TRDN: variants seen among roughly 807,000 people sequenced by gnomAD.
TRDN encodes triadin in skeletal muscle.
A neutral mutation model predicts 149.7 loss-of-function variants in TRDN; 161 were observed. The ratio of observed to expected loss-of-function variants is 1.08; its 90% CI spans 0.95 to 1.23. The LOEUF is 1.23. TRDN is among the 50% of genes most tolerant of loss of function. TRDN has a pLI of 0.00. For synonymous variants in TRDN, 294 were observed against 250.5 expected (o/e 1.17, Z -1.64); for missense variants, 896 against 823.5 (o/e 1.09, Z -1.08).
chr6:123,311,987 A>C (rs1031197365), intron 24 of TRDN, among the ~76,000 whole-genome samples: 3 of 151,990 alleles, frequency 2.0e-5, no homozygotes, highest in Non-Finnish European at 2.9e-5. Flanking sequence ...TTAATAGAAG[A>C]TAATTTAATG....
chr6:123,472,006 A>C (rs894920644), intron 9 of TRDN, among the ~76,000 whole-genome samples: 2 of 152,236 alleles, frequency 1.3e-5, no homozygotes. Context: ...TTTTTAAGAT[A>C]GACAAAAAAT....
At chr6:123,265,423 T>C in intron 32 of TRDN, 85 bp from the exon 33 acceptor site, 1 of 900,688 alleles carries the variant, frequency 1.1e-6, no homozygotes, top group South Asian at 2.0e-5. Context: ...ATTTCCTATT[T>C]TTGCTTTTTA....
At chr6:123,522,101 T>C (rs1275037454) in intron 5 of TRDN, among the ~76,000 whole-genome samples, 2 of 152,110 alleles carry the variant, frequency 1.3e-5, no homozygotes, top group African/African-American at 4.8e-5. Flanking sequence ...AAGCTGACCA[T>C]ATGCTGTCTC....
intron 24 of TRDN, among the ~76,000 whole-genome samples, chr6:123,294,836 C>G (rs1469533415): frequency 6.6e-6 from 1 of 152,170 alleles, no homozygotes; most frequent in Admixed American, 6.5e-5. Context: ...ATTCCATCTA[C>G]TGACCTGGAG....
At chr6:123,560,501 G>T (rs1400809535) in intron 2 of TRDN, among the ~76,000 whole-genome samples, 1 of 152,008 alleles carries the variant, frequency 6.6e-6, no homozygotes, top group South Asian at 2.1e-4. Context: ...CACTGCAAAG[G>T]CCATCAAAAG....
intron 2 of TRDN, among the ~76,000 whole-genome samples, chr6:123,566,847 A>T (rs1363747968): frequency 2.0e-5 from 3 of 152,222 alleles, no homozygotes. Flanking sequence ...TTTATAATAC[A>T]CATATTTCAA....
intron 5 of TRDN, among the ~76,000 whole-genome samples, chr6:123,517,165 G>A (rs1779450361): frequency 6.6e-6 from 1 of 152,046 alleles, no homozygotes; most frequent in Non-Finnish European, 1.5e-5. Context: ...GTGGAATGTT[G>A]ATGTATGAAA....
chr6:123,292,564 C>T (rs1778047285), intron 24 of TRDN, among the ~76,000 whole-genome samples: 1 of 152,108 alleles, frequency 6.6e-6, no homozygotes, highest in Admixed American at 6.6e-5. Flanking sequence ...AAATAGCTCC[C>T]CTGTTTAGCC....
chr6:123,238,594 A>T (rs1189749393), intron 38 of TRDN, among the ~76,000 whole-genome samples: 1 of 152,158 alleles, frequency 6.6e-6, no homozygotes, highest in Non-Finnish European at 1.5e-5. Flanking sequence ...CAGACCTAAG[A>T]TATTAATAAT....
At chr6:123,621,582 G>A (rs564157075) in intron 1 of TRDN, among the ~76,000 whole-genome samples, 1 of 151,932 alleles carries the variant, frequency 6.6e-6, no homozygotes, top group Non-Finnish European at 1.5e-5. Flanking sequence ...ACACTGTACA[G>A]AAAGAAAAAT....
intron 5 of TRDN, among the ~76,000 whole-genome samples, chr6:123,529,715 A>AT (rs1780137152): frequency 6.6e-6 from 1 of 151,948 alleles, no homozygotes; most frequent in Admixed American, 6.6e-5. Context: ...AAATTATCTC[A>AT]TTTTCTGTCT....
At chr6:123,460,524 T>C (rs534336719) in intron 10 of TRDN, among the ~76,000 whole-genome samples, 15 of 152,234 alleles carry the variant, frequency 9.9e-5, no homozygotes, top group Admixed American at 9.2e-4. Context: ...CCAAAAGATA[T>C]GACTTTATTT....
intron 5 of TRDN, chr6:123,529,069 T>G: frequency 4.9e-6 from 7 of 1,426,642 alleles, no homozygotes; most frequent in Non-Finnish European, 6.4e-6. Context: ...ATCAGAATTC[T>G]AATATAGCCA....
chr6:123,571,073 G>C lies in TRDN; in HGVS notation c.82C>G (p.Pro28Ala). ...DSKNGSVPKS[P>A]GKVLKRTVTE... Reference sequence around the variant, plus strand: ...ACTGTCCTCTTCAGCACTTTTCCGGGGGATTTGGGCACAGATCCATTTTTG... The same window carrying C: ...ACTGTCCTCTTCAGCACTTTTCCGGCGGATTTGGGCACAGATCCATTTTTG... The change falls in exon 2 of 41, where the codon CCC (proline) becomes GCC (alanine). Residue 28 changes from proline to alanine, a missense_variant. Pro to Ala is a conservative substitution (Grantham distance 27). Coordinates refer to ENST00000334268, the MANE Select transcript of TRDN (RefSeq NM_006073.4). 1 of 1,613,902 alleles carries C rather than the reference G, an allele frequency of 6.2e-7. No individual in the cohort carries two copies. Among genetic ancestry groups the C allele is most frequent in the East Asian group, 2.2e-5 (1 of 44,872 alleles).
chr6:123,251,665 G>A (rs1174967399), intron 38 of TRDN, among the ~76,000 whole-genome samples: 1 of 151,380 alleles, frequency 6.6e-6, no homozygotes, highest in Non-Finnish European at 1.5e-5. Context: ...ATTTGTATTG[G>A]GTGGTACTTA....
At chr6:123,234,919 G>T (rs557535914) in intron 38 of TRDN, among the ~76,000 whole-genome samples, 1 of 152,166 alleles carries the variant, frequency 6.6e-6, no homozygotes, top group African/African-American at 2.4e-5. Flanking sequence ...GGGTGTAGAG[G>T]CTAGGATCGT....
chr6:123,422,231 G>A (rs1005179925), intron 12 of TRDN, among the ~76,000 whole-genome samples: 27 of 152,044 alleles, frequency 1.8e-4, no homozygotes, highest in African/African-American at 4.6e-4. Context: ...TCGCTGGGAC[G>A]TAACTGTATT....
chr6:123,585,303 G>GAAA (rs1293428758), intron 1 of TRDN, among the ~76,000 whole-genome samples: 4 of 151,886 alleles, frequency 2.6e-5, no homozygotes, highest in African/African-American at 9.7e-5. Flanking sequence ...ATTAAAAGGA[G>GAAA]TGCTTAAAAG....
rs1380221524 is a variant in TRDN at position 123,366,285 on chromosome 6, C to T, written c.1274-103G>A. 6.8e-6 allele frequency: 8 copies of T among 1,176,758 alleles called. No homozygotes were observed. In the African/African-American group the frequency reaches 1.1e-4, roughly 16 times the overall value. 72.9% of individuals were successfully genotyped at this position (1,176,758 alleles called of 1,614,324 possible). Reference sequence around the variant, plus strand: ...AATTAAAGATAAAATGTATGTTGCACATGAGAGCAAAGCAAGCTGTAGAGA... The same window carrying T: ...AATTAAAGATAAAATGTATGTTGCATATGAGAGCAAAGCAAGCTGTAGAGA... On this transcript the variant is annotated intron_variant, in intron 19 of 40. Transcript: ENST00000334268.
Sources: allele counts gnomAD v4.1 joint callset (sites outside exome capture counted in the v4.1 genomes callset), GRCh38; gene constraint gnomAD v4.1.1; transcripts MANE v1.5; gene names NCBI Gene and HGNC (gene_info 2026-07-23, HGNC 2026-07-21).